Variants in SLC4A4 observed in about 807,000 individuals in gnomAD.
SLC4A4 encodes the protein solute carrier family 4 member 4.
In SLC4A4, 27 loss-of-function variants were observed where a neutral mutation model predicts 111.5. The observed-to-expected ratio is 0.24, with a 90% CI of 0.18 to 0.33. The LOEUF is 0.33. SLC4A4 is among the 10% of genes least tolerant of loss of function. SLC4A4 has a pLI of 1.00. For missense variants in SLC4A4, 909 were observed against 1,315.5 expected, an observed-to-expected ratio of 0.69 and a Z score of 4.78; for synonymous variants, 443 against 463.4, an observed-to-expected ratio of 0.96 and a Z score of 0.57.
At chr4:71,158,741 C>T (rs1175456826) in intron 2 of SLC4A4, among the ~76,000 whole-genome samples, 1 of 152,150 alleles carries the variant, frequency 6.6e-6, no homozygotes, top group African/African-American at 2.4e-5. Context: ...GACTTCATCT[C>T]TCTTTGCCAC....
At chr4:71,121,366 G>A (rs984435979) in intron 2 of SLC4A4, among the ~76,000 whole-genome samples, 2 of 152,240 alleles carry the variant, frequency 1.3e-5, no homozygotes, top group Non-Finnish European at 2.9e-5. Context: ...GGCACCAGGC[G>A]TGGGACTGGC....
intron 2 of SLC4A4, among the ~76,000 whole-genome samples, chr4:71,171,352 T>C (rs72648795): frequency 0.024 from 3,622 of 152,230 alleles, 52 homozygotes; most frequent in Middle Eastern, 0.068. Context: ...TACAGGTAGA[T>C]TGAGAAGGCA....
In SLC4A4 at chr4:71,371,869, G is replaced by A. The variant is rs373855888; in HGVS notation, c.730+14682G>A. Reference sequence around the variant, plus strand: ...GTACAATACACATTTGTTGACCCTTGATACTCCATCATTTCATTAAAAGCA... The same window carrying A: ...GTACAATACACATTTGTTGACCCTTAATACTCCATCATTTCATTAAAAGCA... On this transcript the variant is annotated intron_variant, in intron 6 of 25. Coordinates refer to ENST00000264485, the MANE Select transcript of SLC4A4 (RefSeq NM_001098484.3). Among the ~76,000 whole-genome samples, 116 of 152,232 alleles carry A rather than the reference G, an allele frequency of 7.6e-4. 2 individuals carry two copies. The South Asian group carries it at 0.024, about 31-fold the overall frequency.
At chr4:71,555,344 C>T (rs1736379708) in intron 21 of SLC4A4, 136 bp downstream of exon 21, 4 of 744,704 alleles carry the variant, frequency 5.4e-6, no homozygotes, top group Non-Finnish European at 7.4e-6. Context: ...TTCTACTTCA[C>T]CATTCACCTG....
chr4:71,141,032 T>C (rs2148966247), intron 2 of SLC4A4, among the ~76,000 whole-genome samples: 1 of 152,374 alleles, frequency 6.6e-6, no homozygotes, highest in Non-Finnish European at 1.5e-5. Flanking sequence ...ATTTACTTCC[T>C]TAGCAATTGT....
chr4:71,484,806 A>G (rs1350267960), intron 14 of SLC4A4, among the ~76,000 whole-genome samples: 2 of 151,500 alleles, frequency 1.3e-5, no homozygotes, highest in Admixed American at 1.3e-4. Context: ...ATGTTTTTCT[A>G]TTGTTTGTGT....
intron 7 of SLC4A4, among the ~76,000 whole-genome samples, chr4:71,416,266 T>G (rs942610818): frequency 6.6e-6 from 1 of 152,196 alleles, no homozygotes; most frequent in African/African-American, 2.4e-5. Context: ...AAACCCCCAG[T>G]GGATGTCTAA....
intron 6 of SLC4A4, among the ~76,000 whole-genome samples, chr4:71,373,010 A>G (rs555451282): frequency 1.3e-5 from 2 of 152,330 alleles, no homozygotes; most frequent in African/African-American, 4.8e-5. Flanking sequence ...GAATTAAACA[A>G]TTCAAAATCT....
intron 20 of SLC4A4, among the ~76,000 whole-genome samples, chr4:71,549,097 G>C (rs1240084653): frequency 6.6e-6 from 1 of 151,868 alleles, no homozygotes; most frequent in Non-Finnish European, 1.5e-5. Flanking sequence ...AGTTGTTTCT[G>C]ACTATGTACA....
chr4:71,152,355 G>A (rs368640515), intron 2 of SLC4A4, among the ~76,000 whole-genome samples: 1 of 152,176 alleles, frequency 6.6e-6, no homozygotes, highest in Admixed American at 6.5e-5. Context: ...GAATCATGCT[G>A]TGTACATTTT....
At chr4:71,265,780 G>A (rs1163508395) in intron 3 of SLC4A4, among the ~76,000 whole-genome samples, 2 of 151,948 alleles carry the variant, frequency 1.3e-5, no homozygotes, top group Admixed American at 1.3e-4. Flanking sequence ...ACCTCTTTGT[G>A]TTGGTTTTAG....
chr4:71,220,693 TTTTTA>T (rs1718690600), intron 1 of SLC4A4, among the ~76,000 whole-genome samples: 1 of 152,090 alleles, frequency 6.6e-6, no homozygotes. Context: ...AAGGAGAGTG[TTTTTA>T]TTTTATTTTA....
At chr4:71,379,599 A>T (rs1344920964) in intron 6 of SLC4A4, among the ~76,000 whole-genome samples, 1 of 152,124 alleles carries the variant, frequency 6.6e-6, no homozygotes, top group Non-Finnish European at 1.5e-5. Flanking sequence ...ATTATACAAT[A>T]ATACAAATAT....
chr4:71,433,845 C>T (rs56682801), intron 7 of SLC4A4, among the ~76,000 whole-genome samples: 18,768 of 151,804 alleles, frequency 0.12, 1,479 homozygotes, highest in African/African-American at 0.22. Flanking sequence ...TTATAACTGC[C>T]AAATAGTAGG....
rs1439680396 is a variant in SLC4A4, at chr4:71,255,936, G to A, written c.253+537G>A. 4.6e-5 allele frequency among the ~76,000 whole-genome samples: 7 copies of A among 152,178 alleles called. No homozygotes were observed. In the East Asian group the frequency reaches 1.3e-3, roughly 29 times the overall value. On this transcript the variant is annotated intron_variant, in intron 3 of 25. Transcript: ENST00000264485. ...TGTAGAGTGACACAGTTGTTAAGAT[G>A]TTGAATGTATTAGATGTCATACACT...
chr4:71,123,248 C>T (rs1743481926), intron 2 of SLC4A4, among the ~76,000 whole-genome samples: 1 of 152,052 alleles, frequency 6.6e-6, no homozygotes, highest in East Asian at 1.9e-4. Context: ...TGGCAGATTT[C>T]TAGATCAAAA....
chr4:71,224,690 G>A (rs540543444), intron 1 of SLC4A4, among the ~76,000 whole-genome samples: 39 of 152,300 alleles, frequency 2.6e-4, no homozygotes, highest in African/African-American at 8.2e-4. Flanking sequence ...CCGGTCTTTG[G>A]CCAGTAGGCA....
At chr4:71,467,634 T>G (rs754943962) in intron 13 of SLC4A4, among the ~76,000 whole-genome samples, 1 of 152,098 alleles carries the variant, frequency 6.6e-6, no homozygotes, top group Non-Finnish European at 1.5e-5. Flanking sequence ...CACTAGAAGT[T>G]TCTAATGGAC....
At chr4:71,270,349 C>G (rs1372478841) in intron 3 of SLC4A4, among the ~76,000 whole-genome samples, 1 of 152,186 alleles carries the variant, frequency 6.6e-6, no homozygotes, top group Non-Finnish European at 1.5e-5. Context: ...CTCGGCCTCC[C>G]AAAGTGCTGG....
Sources: allele counts gnomAD v4.1 joint callset (sites outside exome capture counted in the v4.1 genomes callset), GRCh38; gene constraint gnomAD v4.1.1; transcripts MANE v1.5; gene names NCBI Gene and HGNC (gene_info 2026-07-23, HGNC 2026-07-21).